The following POU3F3 variants were observed in gnomAD, a reference collection of about 807,000 sequenced individuals.
The protein encoded by POU3F3 is POU domain, class 3, transcription factor 3.
In POU3F3, 1 loss-of-function variant was observed where a neutral mutation model predicts 8.6. The ratio of observed to expected loss-of-function variants is 0.12; its 90% CI spans 0.04 to 0.55. The LOEUF is 0.55. POU3F3 is among the 20% of genes least tolerant of loss of function. The pLI, the probability that POU3F3 is intolerant of heterozygous loss-of-function variation, is 0.91. For missense variants in POU3F3, 577 were observed against 690.7 expected, an observed-to-expected ratio of 0.84 and a Z score of 1.84; for synonymous variants, 418 against 327.4, an observed-to-expected ratio of 1.28 and a Z score of -2.99.
rs1676600794 is a variant in POU3F3, at chr2:104,857,740, A to AG, written c.*733dup. On this transcript the variant is annotated 3_prime_UTR_variant, in exon 1 of 1. Coordinates refer to ENST00000361360, the MANE Select transcript of POU3F3 (RefSeq NM_006236.3). ...ACAAATCAACTCTGAAATGGGAAGG[A>AG]GGGGGGAAAAACAGTCTCCAAGAAA... 2 of 151,094 alleles carry AG rather than the reference A, an allele frequency of 1.3e-5. No homozygotes were observed. The highest frequency in any genetic ancestry group is 2.5e-5 in the African/African-American group (1 of 40,606). The allele number at this position is 151,094 out of a possible 1,614,324, so 9.4% of individuals were successfully genotyped here.
chr2:104,891,484 C>G, the POU3F3 span, among the ~76,000 whole-genome samples: 8 of 152,082 alleles, frequency 5.3e-5, no homozygotes, highest in Non-Finnish European at 1.5e-5. Flanking sequence ...GGCATTTTAA[C>G]CAAATATTCG....
chr2:104,882,216 A>G, the POU3F3 span, among the ~76,000 whole-genome samples: 3 of 150,884 alleles, frequency 2.0e-5, no homozygotes, highest in Non-Finnish European at 4.4e-5. Flanking sequence ...GATTGGAAAA[A>G]TCTTTCTGGT....
the POU3F3 span, chr2:104,872,171 C>A: frequency 2.2e-6 from 1 of 452,824 alleles, no homozygotes; most frequent in Non-Finnish European, 4.4e-6. The surrounding 1 kb of genome is among the most constrained non-coding windows in gnomAD (Gnocchi z 4.6). Context: ...GCAGGGATGC[C>A]CTGCGCCCGC....
chr2:104,857,266 A>C lies in POU3F3; in HGVS notation c.*253A>C. On this transcript the variant is annotated 3_prime_UTR_variant, in exon 1 of 1. Transcript: ENST00000361360. ...GACCAAGGAGGCATTTTTGCAGTCC[A>C]AGGAAGGAGGGGCCAAAAAATAAAA... 4.3e-6 allele frequency: 1 copy of C among 232,764 alleles called. No individual in the cohort carries two copies. The allele number at this position is 232,764 out of a possible 1,614,324, so 14.4% of individuals were successfully genotyped here. A position where few individuals can be genotyped will look rare whatever the true frequency, so the allele number is the denominator to read the frequency against.
At chr2:104,923,184 T>G in the POU3F3 span, among the ~76,000 whole-genome samples, 1 of 152,148 alleles carries the variant, frequency 6.6e-6, no homozygotes, top group Non-Finnish European at 1.5e-5. Context: ...CACTAGAGAG[T>G]AACATGAAGC....
chr2:104,887,687 G>C, the POU3F3 span, among the ~76,000 whole-genome samples: 1 of 152,190 alleles, frequency 6.6e-6, no homozygotes, highest in Non-Finnish European at 1.5e-5. Flanking sequence ...CCTCAAGAGA[G>C]CGGTGAAGCA....
At chr2:104,860,372 T>G (rs770664746), downstream of POU3F3, among the ~76,000 whole-genome samples, 1 of 152,170 alleles carries the variant, frequency 6.6e-6, no homozygotes, top group East Asian at 1.9e-4. Flanking sequence ...CAGATATAAC[T>G]GAGAGGTTTT....
downstream of POU3F3, among the ~76,000 whole-genome samples, chr2:104,862,498 AG>A (rs1313329357): frequency 1.4e-5 from 2 of 143,608 alleles, no homozygotes; most frequent in Admixed American, 6.9e-5. Flanking sequence ...GCGGAGGGGG[AG>A]GGGGACCCGA....
At chr2:104,884,233 G>A in the POU3F3 span, among the ~76,000 whole-genome samples, 21 of 152,154 alleles carry the variant, frequency 1.4e-4, no homozygotes. Context: ...TTTGTCTGGG[G>A]GTGGTATCAA....
At chr2:104,913,886 A>G in the POU3F3 span, among the ~76,000 whole-genome samples, 6 of 152,214 alleles carry the variant, frequency 3.9e-5, no homozygotes, top group African/African-American at 1.2e-4. Context: ...AAACGAAAAA[A>G]AAAATACCTA....
the POU3F3 span, among the ~76,000 whole-genome samples, chr2:104,923,570 A>C: frequency 1.3e-5 from 2 of 152,188 alleles, no homozygotes; most frequent in Non-Finnish European, 2.9e-5. Flanking sequence ...TAAACATTTT[A>C]CTACAAAAAA....
rs1301414044 is a variant in POU3F3, at chr2:104,857,075, C to CGCCGCCGCCCCT, written c.*72_*83dup. 1 of 1,134,972 alleles carries CGCCGCCGCCCCT rather than the reference C, an allele frequency of 8.8e-7. No homozygotes were observed. Among genetic ancestry groups the CGCCGCCGCCCCT allele is most frequent in the Admixed American group, 4.9e-5 (1 of 20,234 alleles). 70.3% of individuals were successfully genotyped at this position (1,134,972 alleles called of 1,614,324 possible). The stretch of plus-strand genomic sequence containing the variant: ...CCGCCTCCGCAGCCGCCGTCAGCAC[C>CGCCGCCGCCCCT]GCCGCCGCCCCTGCCGCCGCCGCCG... On this transcript the variant is annotated 3_prime_UTR_variant, in exon 1 of 1. Transcript: ENST00000361360.
chr2:104,874,442 G>T, the POU3F3 span, among the ~76,000 whole-genome samples: 1 of 152,218 alleles, frequency 6.6e-6, no homozygotes, highest in Non-Finnish European at 1.5e-5. Context: ...TAGGAGAACT[G>T]GGTGGAGTCT....
rs1343909104 is a variant in POU3F3 at position 104,857,454 on chromosome 2, CG to C, written c.*442del. Reference sequence around the variant, plus strand: ...ATGCCTGACGCACGAAAACTGCACTCGTGAGGTTTTTCCACCCTGAGATGAC... The same window carrying C: ...ATGCCTGACGCACGAAAACTGCACTCTGAGGTTTTTCCACCCTGAGATGAC... On this transcript the variant is annotated 3_prime_UTR_variant, in exon 1 of 1. Coordinates refer to ENST00000361360, the MANE Select transcript of POU3F3 (RefSeq NM_006236.3). The C allele has an allele frequency of 1.4e-4, 22 of 153,676 alleles. 1 individual carries two copies. In the Admixed American group the frequency reaches 1.4e-3, roughly 10 times the overall value. 9.5% of individuals were successfully genotyped at this position (153,676 alleles called of 1,614,324 possible). A position where few individuals can be genotyped will look rare whatever the true frequency, so the allele number is the denominator to read the frequency against.
the POU3F3 span, among the ~76,000 whole-genome samples, chr2:104,887,460 T>C: frequency 6.6e-6 from 1 of 152,152 alleles, no homozygotes; most frequent in Non-Finnish European, 1.5e-5. Context: ...TAGATAAGGC[T>C]TAAAGGAAGA....
At position 104,857,117 on chromosome 2, in the gene POU3F3, T is replaced by TGCCGCCGCC. The variant is rs1042152072; in HGVS notation, c.*107_*115dup. 2.1e-6 allele frequency: 2 copies of TGCCGCCGCC among 952,170 alleles called. No homozygotes were observed. Among genetic ancestry groups the TGCCGCCGCC allele is most frequent in the Non-Finnish European group, 2.5e-6 (2 of 803,582 alleles). 59.0% of individuals were successfully genotyped at this position (952,170 alleles called of 1,614,324 possible). A position where few individuals can be genotyped will look rare whatever the true frequency, so the allele number is the denominator to read the frequency against. ...CCGCCGCCGCCGCCGCCGCCGCCGC[T>TGCCGCCGCC]GCCGCCGCCGCGCCGACCCTGCACC... On this transcript the variant is annotated 3_prime_UTR_variant, in exon 1 of 1. Transcript: ENST00000361360.
chr2:104,868,542 C>T, the POU3F3 span: 2 of 367,754 alleles, frequency 5.4e-6, no homozygotes, highest in Non-Finnish European at 1.1e-5. Context: ...CCGGCCAAGC[C>T]TCCCAGAGCC....
chr2:104,903,012 T>C, the POU3F3 span, among the ~76,000 whole-genome samples: 1 of 152,212 alleles, frequency 6.6e-6, no homozygotes, highest in Admixed American at 6.5e-5. Flanking sequence ...TGTAATGTCA[T>C]ATCGCTGCAG....
In POU3F3 at chr2:104,855,743, T is replaced by C. The variant is rs767139571; in HGVS notation, c.233T>C (p.Met78Thr). 7.7e-7 allele frequency: 1 copy of C among 1,303,248 alleles called. No individual in the cohort carries two copies. The highest frequency in any genetic ancestry group is 2.3e-5 in the Admixed American group (1 of 43,406). The allele number at this position is 1,303,248 out of a possible 1,614,324, so 80.7% of individuals were successfully genotyped here. Reference protein sequence around the residue: ...SSVKMVQSDFMQGAMAASNGG... With the variant: ...SSVKMVQSDFTQGAMAASNGG... ...GTCAAGATGGTCCAGAGCGACTTCA[T>C]GCAGGGGGCCATGGCCGCCAGCAAC... is the stretch of plus-strand genomic sequence containing the variant. The change falls in exon 1 of 1, where the codon ATG becomes ACG. Residue 78 changes from methionine to threonine, a missense_variant. Met to Thr is a moderately conservative substitution (Grantham distance 81). Coordinates refer to ENST00000361360, the MANE Select transcript of POU3F3 (RefSeq NM_006236.3).
Sources: gnomAD v4.1 joint callset for allele counts (sites outside exome capture counted in the v4.1 genomes callset) on GRCh38, gnomAD v4.1.1 for gene constraint, Gnocchi (gnomAD v3.1) non-coding constraint, MANE v1.5 for transcripts, NCBI Gene and HGNC (gene_info 2026-07-23, HGNC 2026-07-21) for gene names.